PRPF6: variants seen among roughly 807,000 people sequenced by gnomAD.
PRPF6 encodes pre-mRNA processing factor 6.
A neutral mutation model predicts 118.3 loss-of-function variants in PRPF6; 42 were observed. The observed-to-expected ratio is 0.35, with a 90% CI of 0.28 to 0.46. The LOEUF (loss-of-function observed/expected upper bound fraction) is 0.46, where lower values mean the gene tolerates loss of function less well. Ranked by LOEUF, PRPF6 falls within the 20% of genes least tolerant of loss-of-function variation. The pLI is 1.00. For synonymous variants in PRPF6, 481 were observed against 485.1 expected, an observed-to-expected ratio of 0.99 and a Z score of 0.11; for missense variants, 662 against 1,255.7, an observed-to-expected ratio of 0.53 and a Z score of 7.15.
At chr20:64,020,532 C>T (rs1358123598) in intron 12 of PRPF6, among the ~76,000 whole-genome samples, 1 of 152,140 alleles carries the variant, frequency 6.6e-6, no homozygotes. Context: ...GTGTCATGAT[C>T]GCCAGTCAGA....
chr20:63,994,799 C>G (rs6011248), intron 4 of PRPF6, 117 bp from the exon 5 acceptor site: 4 of 1,351,494 alleles, frequency 3.0e-6, no homozygotes, highest in Non-Finnish European at 4.2e-6. Flanking sequence ...TTGCTGCATC[C>G]AAATCCCTTC....
chr20:64,021,245 G>A lies in PRPF6; in HGVS notation c.1648-1512G>A, dbSNP rs558333235. ...GCCACAGCCCCATGTCTGTGTGTGC[G>A]TGTGTGCGTGCACGTATGCCTATGC... On this transcript the variant is annotated intron_variant, in intron 12 of 20. Coordinates refer to ENST00000266079, the MANE Select transcript of PRPF6 (RefSeq NM_012469.4). 4.7e-4 allele frequency among the ~76,000 whole-genome samples: 71 copies of A among 151,360 alleles called. 2 individuals are homozygous for A. The South Asian group carries it at 6.2e-3, about 13-fold the overall frequency.
Position 64,029,507 on chromosome 20 carries a change from A to C in PRPF6, c.2546+16A>C. The C allele has an allele frequency of 6.2e-7, 1 of 1,608,362 alleles. No individual in the cohort carries two copies. Among genetic ancestry groups the C allele is most frequent in the Non-Finnish European group, 8.5e-7 (1 of 1,175,010 alleles). On this transcript the variant is annotated intron_variant, in intron 19 of 20. Coordinates refer to ENST00000266079, the MANE Select transcript of PRPF6 (RefSeq NM_012469.4). This position sits in a 1 kb window ranked among gnomAD's most constrained non-coding sequence, Gnocchi z 4.8. The stretch of plus-strand genomic sequence containing the variant: ...CCGTGGCCAAGTGAGTGGGGCCCCC[A>C]CAGGATTGCTGAACCTCGGGGTCCT...
chr20:64,024,235 C>T (rs964821184), intron 13 of PRPF6, among the ~76,000 whole-genome samples: 5 of 152,168 alleles, frequency 3.3e-5, no homozygotes, highest in African/African-American at 1.2e-4. Flanking sequence ...ATGAAAAGGC[C>T]TCCCCTGTCA....
At chr20:63,993,346 A>G (rs1480853877) in intron 3 of PRPF6, 61 bp from the exon 4 acceptor site, 1 of 1,268,470 alleles carries the variant, frequency 7.9e-7, no homozygotes, top group East Asian at 2.4e-5. Context: ...TGAGATGGAT[A>G]ATAAATTTGC....
rs1196312185 is a variant in PRPF6 at position 64,026,555 on chromosome 20, A to G, written c.2029-427A>G. Among the ~76,000 whole-genome samples, 1 of 151,696 alleles carries G rather than the reference A, an allele frequency of 6.6e-6. No homozygotes were observed. The highest frequency in any genetic ancestry group is 2.4e-5 in the African/African-American group (1 of 41,282). ...TTCATACGGCCGGGTGTGGTGGCTCACGCCTGTAATCCCAGCACTTTGGGA... is the reference window on the plus strand; with the variant it reads ...TTCATACGGCCGGGTGTGGTGGCTCGCGCCTGTAATCCCAGCACTTTGGGA... On this transcript the variant is annotated intron_variant, in intron 15 of 20. Transcript: ENST00000266079. The surrounding 1 kb of genome is among the most constrained non-coding windows in gnomAD (Gnocchi z 4.4).
At chr20:63,999,891 A>T (rs1417213036) in intron 8 of PRPF6, 132 bp downstream of exon 8, 2 of 1,191,626 alleles carry the variant, frequency 1.7e-6, no homozygotes, top group African/African-American at 3.1e-5. Context: ...CTGGGGGAGG[A>T]TGTGAAAAGC....
intron 11 of PRPF6, among the ~76,000 whole-genome samples, chr20:64,013,610 A>G (rs1425844015): frequency 1.3e-5 from 2 of 151,568 alleles, no homozygotes; most frequent in African/African-American, 2.4e-5. Context: ...TGCTTGGCCA[A>G]TTTTTTTTAT....
intron 9 of PRPF6, among the ~76,000 whole-genome samples, chr20:64,003,219 G>A (rs2059175566): frequency 1.3e-5 from 2 of 152,230 alleles, no homozygotes; most frequent in African/African-American, 4.8e-5. Flanking sequence ...TGGGATTACA[G>A]GCATCAGCCG....
chr20:63,998,711 G>T (rs1189510609), intron 6 of PRPF6, among the ~76,000 whole-genome samples: 1 of 150,380 alleles, frequency 6.6e-6, no homozygotes, highest in Non-Finnish European at 1.5e-5. Flanking sequence ...GTGTGGTGGC[G>T]GGCGCCTGTA....
chr20:64,032,177 T>G lies in PRPF6; in HGVS notation c.2673+133T>G, dbSNP rs1181199505. On this transcript the variant is annotated intron_variant, in intron 20 of 20. Coordinates refer to ENST00000266079, the MANE Select transcript of PRPF6 (RefSeq NM_012469.4). ...CGGGGTCGGGAGGATGGACCGGGTG[T>G]GTGGGGCACAGAATCCTCGACACCT... is the stretch of plus-strand genomic sequence containing the variant. 4.3e-6 allele frequency: 6 copies of G among 1,408,974 alleles called. No homozygotes were observed. The African/African-American group carries it at 8.5e-5, about 20-fold the overall frequency. The allele number at this position is 1,408,974 out of a possible 1,614,324, so 87.3% of individuals were successfully genotyped here.
chr20:64,020,772 T>C (rs1456682668), intron 12 of PRPF6, among the ~76,000 whole-genome samples: 1 of 150,406 alleles, frequency 6.6e-6, no homozygotes, highest in Admixed American at 6.8e-5. Flanking sequence ...GTGGTAAATA[T>C]ATACTATACC....
In PRPF6 at chr20:64,027,274, C is replaced by T; in HGVS notation, c.2205+116C>T. 7.4e-7 allele frequency: 1 copy of T among 1,357,548 alleles called. No homozygotes were observed. The highest frequency in any genetic ancestry group is 1.0e-6 in the Non-Finnish European group (1 of 973,934). 84.1% of individuals were successfully genotyped at this position (1,357,548 alleles called of 1,614,324 possible). On this transcript the variant is annotated intron_variant, in intron 16 of 20. Coordinates refer to ENST00000266079, the MANE Select transcript of PRPF6 (RefSeq NM_012469.4). This position sits in a 1 kb window ranked among gnomAD's most constrained non-coding sequence, Gnocchi z 6.5. The stretch of plus-strand genomic sequence containing the variant: ...AGGAGATGTGGAGGGCTGGGGGTTA[C>T]AGCTGATGGAGCTGCAGACTCAGGA...
At position 64,028,671 on chromosome 20, in the gene PRPF6, G is replaced by A. The variant is rs79071517; in HGVS notation, c.2431+102G>A. On this transcript the variant is annotated intron_variant, in intron 18 of 20. Transcript: ENST00000266079. The surrounding 1 kb of genome is among the most constrained non-coding windows in gnomAD (Gnocchi z 6.5). ...GCTTCCTGGCTTCCCAGACTCCGCA[G>A]GGCTGGCACTTCCTGAGGGAGTGGG... 1 of 1,301,284 alleles carries A rather than the reference G, an allele frequency of 7.7e-7. No individual in the cohort carries two copies. The highest frequency in any genetic ancestry group is 1.1e-6 in the Non-Finnish European group (1 of 926,166). The allele number at this position is 1,301,284 out of a possible 1,614,324, so 80.6% of individuals were successfully genotyped here. A position where few individuals can be genotyped will look rare whatever the true frequency, so the allele number is the denominator to read the frequency against.
At chr20:64,000,484 G>A (rs13039079) in intron 8 of PRPF6, among the ~76,000 whole-genome samples, 2 of 144,670 alleles carry the variant, frequency 1.4e-5, no homozygotes, top group Non-Finnish European at 3.0e-5. Flanking sequence ...CAACAAAAAA[G>A]AACGACCCGA....
Position 63,993,495 on chromosome 20 carries a change from T to C in PRPF6, c.438+10T>C. 6.2e-7 allele frequency: 1 copy of C among 1,604,678 alleles called. No homozygotes were observed. The highest frequency in any genetic ancestry group is 8.5e-7 in the Non-Finnish European group (1 of 1,171,888). Reference sequence around the variant, plus strand: ...GTTCTCAGACCTCAAGGTGAGCCGATGAAGCGGTGAATGGTGTGCGGTTTC... The same window carrying C: ...GTTCTCAGACCTCAAGGTGAGCCGACGAAGCGGTGAATGGTGTGCGGTTTC... On this transcript the variant is annotated intron_variant, in intron 4 of 20. Transcript: ENST00000266079.
chr20:64,011,519 G>T lies in PRPF6; in HGVS notation c.1524+16G>T, dbSNP rs766482612. 3 of 1,604,564 alleles carry T rather than the reference G, an allele frequency of 1.9e-6. No homozygotes were observed. The highest frequency in any genetic ancestry group is 2.6e-6 in the Non-Finnish European group (3 of 1,176,250). On this transcript the variant is annotated intron_variant, in intron 11 of 20. Transcript: ENST00000266079. The surrounding 1 kb of genome is among the most constrained non-coding windows in gnomAD (Gnocchi z 6.7). ...GTGGATCCAGGTGGGCCGCAGGCGG[G>T]TGTCGTGGTGTCTGCTTTAACAGTG...
intron 11 of PRPF6, among the ~76,000 whole-genome samples, chr20:64,013,762 A>G (rs1177344044): frequency 6.6e-6 from 1 of 152,166 alleles, no homozygotes; most frequent in Non-Finnish European, 1.5e-5. Context: ...TTAAGCTATA[A>G]CTAGCGTTCT....
chr20:64,023,016 G>T, intron 13 of PRPF6, 138 bp downstream of exon 13: 1 of 1,327,322 alleles, frequency 7.5e-7, no homozygotes, highest in Non-Finnish European at 1.1e-6. Flanking sequence ...TTGTGATGAA[G>T]GATTTTATGG....
Sources: allele counts gnomAD v4.1 joint callset (sites outside exome capture counted in the v4.1 genomes callset), GRCh38; gene constraint gnomAD v4.1.1; non-coding constraint Gnocchi (gnomAD v3.1); transcripts MANE v1.5; gene names NCBI Gene and HGNC (gene_info 2026-07-23, HGNC 2026-07-21).